The following PTPRT variants were observed in gnomAD, a reference collection of about 807,000 sequenced individuals.
PTPRT encodes receptor-type tyrosine-protein phosphatase T.
A neutral mutation model predicts 176.8 loss-of-function variants in PTPRT; 56 were observed. That is an observed-to-expected ratio of 0.32 (90% CI 0.26 to 0.40). The LOEUF (loss-of-function observed/expected upper bound fraction) is 0.40, where lower values mean the gene tolerates loss of function less well. Among genes scored for constraint, PTPRT ranks in the 10% least tolerant of loss-of-function variants. The pLI, the probability that PTPRT is intolerant of heterozygous loss-of-function variation, is 1.00. For synonymous variants in PTPRT, 783 were observed against 739.0 expected, an observed-to-expected ratio of 1.06 and a Z score of -0.96; for missense variants, 1,540 against 1,908.2, an observed-to-expected ratio of 0.81 and a Z score of 3.60.
intron 1 of PTPRT, among the ~76,000 whole-genome samples, chr20:42,960,723 C>T (rs1423232371): frequency 6.6e-6 from 1 of 152,070 alleles, no homozygotes; most frequent in African/African-American, 2.4e-5. Context: ...AACTGGGTTG[C>T]TAAACAACCA....
At chr20:42,775,087 C>T (rs532042267) in intron 4 of PTPRT, among the ~76,000 whole-genome samples, 31 of 152,284 alleles carry the variant, frequency 2.0e-4, no homozygotes, top group African/African-American at 7.2e-4. Context: ...GCCATCGGCT[C>T]GTGGTTCTAA....
chr20:42,418,457 C>A lies in PTPRT; in HGVS notation c.1560+29763G>T, dbSNP rs761581724. On this transcript the variant is annotated intron_variant, in intron 9 of 30. Transcript: ENST00000373187. ...CTTACTTAGGTCTCTGCCTCCACAG[C>A]AAGGACCATGAGTTAGAAAACAATG... 1.5e-4 allele frequency among the ~76,000 whole-genome samples: 23 copies of A among 152,262 alleles called. No homozygotes were observed. In the South Asian group the frequency reaches 1.9e-3, roughly 12 times the overall value.
At chr20:42,988,475 T>A (rs555014256) in intron 1 of PTPRT, among the ~76,000 whole-genome samples, 1 of 152,100 alleles carries the variant, frequency 6.6e-6, no homozygotes, top group Admixed American at 6.5e-5. Context: ...GTACCAGGCT[T>A]CCCTCCCTCT....
At chr20:42,310,516 T>C (rs916738890) in intron 12 of PTPRT, among the ~76,000 whole-genome samples, 1 of 152,102 alleles carries the variant, frequency 6.6e-6, no homozygotes, top group Admixed American at 6.5e-5. Context: ...GGAAAAAAGC[T>C]TTAACAATTT....
intron 1 of PTPRT, among the ~76,000 whole-genome samples, chr20:43,016,826 C>A (rs991056355): frequency 2.6e-5 from 4 of 151,818 alleles, no homozygotes; most frequent in African/African-American, 9.7e-5. Flanking sequence ...CATGAGCCAC[C>A]GTGTCCAGCC....
chr20:42,502,097 T>C (rs1225992682), intron 7 of PTPRT, among the ~76,000 whole-genome samples: 1 of 152,128 alleles, frequency 6.6e-6, no homozygotes, highest in Non-Finnish European at 1.5e-5. Flanking sequence ...TTTTGTTTAC[T>C]TCTTGAGTCA....
At chr20:42,581,642 G>A (rs1354361728) in intron 7 of PTPRT, among the ~76,000 whole-genome samples, 1 of 152,122 alleles carries the variant, frequency 6.6e-6, no homozygotes, top group Non-Finnish European at 1.5e-5. Context: ...GGAGCTGAAT[G>A]TGTAATTTTG....
At chr20:42,566,437 C>A (rs115125044) in intron 7 of PTPRT, among the ~76,000 whole-genome samples, 1 of 152,138 alleles carries the variant, frequency 6.6e-6, no homozygotes, top group African/African-American at 2.4e-5. Context: ...CTGACTTTAA[C>A]GTTTTTAAGA....
intron 1 of PTPRT, among the ~76,000 whole-genome samples, chr20:43,098,113 G>A (rs556849673): frequency 6.6e-6 from 1 of 152,276 alleles, no homozygotes; most frequent in Admixed American, 6.5e-5. Context: ...AGCCGGCCCA[G>A]CCATCCCCAG....
intron 14 of PTPRT, among the ~76,000 whole-genome samples, chr20:42,243,687 T>C: frequency 6.6e-6 from 1 of 152,166 alleles, no homozygotes; most frequent in East Asian, 1.9e-4. Context: ...ATTTGCTTAT[T>C]TCCTGTCAGT....
rs74486913 is a variant in PTPRT at position 42,927,870 on chromosome 20, C to T, written c.89-41938G>A. Among the ~76,000 whole-genome samples the T allele has an allele frequency of 6.1e-3, 935 of 152,310 alleles. 13 individuals are homozygous for T. Among genetic ancestry groups the T allele is most frequent in the African/African-American group, 0.02 (845 of 41,564 alleles). On this transcript the variant is annotated intron_variant, in intron 1 of 30. Coordinates refer to ENST00000373187, the MANE Select transcript of PTPRT (RefSeq NM_007050.6). ...ATTAGGCATGTAGGTTGTACTTAGA[C>T]CACTATGTATTATTTCTCCTCATTT...
chr20:42,258,394 A>G (rs1370259675), intron 13 of PTPRT, among the ~76,000 whole-genome samples: 1 of 152,040 alleles, frequency 6.6e-6, no homozygotes, highest in Non-Finnish European at 1.5e-5. Flanking sequence ...CATCCTTTTC[A>G]CTTTTCTTGT....
At chr20:42,334,446 T>C (rs901095951) in intron 11 of PTPRT, among the ~76,000 whole-genome samples, 2 of 152,184 alleles carry the variant, frequency 1.3e-5, no homozygotes, top group Admixed American at 1.3e-4. Context: ...AGCATAAAAA[T>C]ACCTAGAAAA....
rs371096657 is a variant in PTPRT at position 42,947,859 on chromosome 20, C to T, written c.89-61927G>A. ...ACCTTGTCACTGAATCTAATGACCA[C>T]TCCTTCATCCTTATCTAGGATGTAA... On this transcript the variant is annotated intron_variant, in intron 1 of 30. Coordinates refer to ENST00000373187, the MANE Select transcript of PTPRT (RefSeq NM_007050.6). Among the ~76,000 whole-genome samples, 5 of 152,260 alleles carry T rather than the reference C, an allele frequency of 3.3e-5. No individual in the cohort carries two copies. The South Asian group carries it at 1.0e-3, about 32-fold the overall frequency.
intron 7 of PTPRT, among the ~76,000 whole-genome samples, chr20:42,484,653 C>T (rs1601109185): frequency 1.3e-5 from 2 of 152,140 alleles, no homozygotes; most frequent in Admixed American, 6.5e-5. Flanking sequence ...CTGGTACTAC[C>T]GGTGCTCTTG....
intron 1 of PTPRT, among the ~76,000 whole-genome samples, chr20:42,891,588 T>C (rs1015840455): frequency 6.6e-6 from 1 of 152,226 alleles, no homozygotes; most frequent in Admixed American, 6.5e-5. Flanking sequence ...AAATAAAGTT[T>C]ATAGTGTCAA....
At chr20:42,308,984 G>A (rs2057586879) in intron 12 of PTPRT, among the ~76,000 whole-genome samples, 1 of 152,198 alleles carries the variant, frequency 6.6e-6, no homozygotes, top group South Asian at 2.1e-4. Flanking sequence ...AGGCAATTGA[G>A]TTCAAGAACT....
At chr20:42,090,424 C>A (rs1337884199) in intron 27 of PTPRT, among the ~76,000 whole-genome samples, 1 of 151,238 alleles carries the variant, frequency 6.6e-6, no homozygotes, top group East Asian at 1.9e-4. Flanking sequence ...AGCTGAATGA[C>A]CCAGAAGATA....
intron 1 of PTPRT, among the ~76,000 whole-genome samples, chr20:42,889,755 C>T (rs2079161665): frequency 6.6e-6 from 1 of 152,162 alleles, no homozygotes; most frequent in African/African-American, 2.4e-5. Flanking sequence ...GCAGGTTAAA[C>T]ATAGAAGGAG....
Sources: allele counts gnomAD v4.1 joint callset (sites outside exome capture counted in the v4.1 genomes callset), GRCh38; gene constraint gnomAD v4.1.1; transcripts MANE v1.5; gene names NCBI Gene and HGNC (gene_info 2026-07-23, HGNC 2026-07-21).